Variants in IL1R1 observed in about 807,000 individuals in gnomAD.
IL1R1 encodes interleukin-1 receptor type 1.
Under a neutral mutation model 50.2 loss-of-function variants are expected in IL1R1, and 22 were observed. The ratio of observed to expected loss-of-function variants is 0.44; its 90% CI spans 0.31 to 0.63. IL1R1 has a LOEUF of 0.63. IL1R1 is among the 20% of genes least tolerant of loss of function. The pLI is 0.07. For missense variants in IL1R1, 509 were observed against 676.2 expected (o/e 0.75, Z 2.74); for synonymous variants, 251 against 236.7 (o/e 1.06, Z -0.55).
chr2:102,170,421 A>G (rs904388733), intron 7 of IL1R1, among the ~76,000 whole-genome samples: 6 of 152,328 alleles, frequency 3.9e-5, no homozygotes, highest in Non-Finnish European at 8.8e-5. Flanking sequence ...CAATTGAAGG[A>G]AAAAAACAAG....
At chr2:102,163,601 C>T (rs1684916653) in intron 3 of IL1R1, among the ~76,000 whole-genome samples, 1 of 151,976 alleles carries the variant, frequency 6.6e-6, no homozygotes, top group Non-Finnish European at 1.5e-5. Context: ...TTTGATCTTT[C>T]CTGTAGCATC....
chr2:102,106,599 T>G (rs1039117830), intron 1 of IL1R1, among the ~76,000 whole-genome samples: 1 of 152,094 alleles, frequency 6.6e-6, no homozygotes, highest in Non-Finnish European at 1.5e-5. Context: ...AAGAATAAAA[T>G]TTTAAAAAAT....
chr2:102,128,186 A>G (rs771623883), intron 1 of IL1R1, among the ~76,000 whole-genome samples: 15 of 152,188 alleles, frequency 9.9e-5, no homozygotes, highest in Non-Finnish European at 1.6e-4. Flanking sequence ...TGACTCGTAT[A>G]TACTCTGTTA....
At chr2:102,097,704 C>T (rs1376103560) in intron 1 of IL1R1, among the ~76,000 whole-genome samples, 1 of 151,806 alleles carries the variant, frequency 6.6e-6, no homozygotes, top group Non-Finnish European at 1.5e-5. Context: ...ATAAAAAAAT[C>T]TGAATAGTCT....
At chr2:102,136,644 G>A (rs187344240) in intron 1 of IL1R1, among the ~76,000 whole-genome samples, 2 of 152,106 alleles carry the variant, frequency 1.3e-5, no homozygotes, top group Admixed American at 1.3e-4. Context: ...CCAAAGTGCT[G>A]GGATTACAGG....
intron 1 of IL1R1, among the ~76,000 whole-genome samples, chr2:102,081,021 T>A (rs1482180884): frequency 1.3e-5 from 2 of 152,112 alleles, no homozygotes; most frequent in East Asian, 3.9e-4. Flanking sequence ...ATTTATAGAA[T>A]CAGAAAGTAG....
At chr2:102,118,845 G>C (rs939730786) in intron 1 of IL1R1, among the ~76,000 whole-genome samples, 17 of 151,858 alleles carry the variant, frequency 1.1e-4, no homozygotes, top group Non-Finnish European at 2.4e-4. Context: ...GTGAAACCCT[G>C]TCTCTACTAA....
At position 102,177,073 on chromosome 2, in the gene IL1R1, C is replaced by A. The variant is rs3917324; in HGVS notation, c.*314C>A. 22 of 267,176 alleles carry A rather than the reference C, an allele frequency of 8.2e-5. No individual in the cohort carries two copies. In the South Asian group the frequency reaches 1.2e-3, roughly 15 times the overall value. The allele number at this position is 267,176 out of a possible 1,614,324, so 16.6% of individuals were successfully genotyped here. A position where few individuals can be genotyped will look rare whatever the true frequency, so the allele number is the denominator to read the frequency against. On this transcript the variant is annotated 3_prime_UTR_variant, in exon 12 of 12. Transcript: ENST00000410023. ...CAGAGGTCAGGAGTTCGAGACCAGC[C>A]CAGCCAACATGGCAAAACCCCATCT...
At chr2:102,129,443 G>T (rs1348938432) in intron 1 of IL1R1, among the ~76,000 whole-genome samples, 1 of 152,212 alleles carries the variant, frequency 6.6e-6, no homozygotes, top group Non-Finnish European at 1.5e-5. Flanking sequence ...CTACATAAGG[G>T]CCAATTATTG....
intron 1 of IL1R1, among the ~76,000 whole-genome samples, chr2:102,075,206 T>C (rs1332414809): frequency 6.6e-6 from 1 of 152,232 alleles, no homozygotes; most frequent in Non-Finnish European, 1.5e-5. Flanking sequence ...TCCCAGACAC[T>C]GTACCTTCAA....
intron 1 of IL1R1, among the ~76,000 whole-genome samples, chr2:102,083,734 A>G (rs1679318311): frequency 6.6e-6 from 1 of 152,164 alleles, no homozygotes; most frequent in Non-Finnish European, 1.5e-5. Flanking sequence ...TCACGAGGTC[A>G]GGAGTTCAAG....
chr2:102,105,805 C>T (rs1001257078), intron 1 of IL1R1, among the ~76,000 whole-genome samples: 12 of 152,350 alleles, frequency 7.9e-5, no homozygotes, highest in African/African-American at 1.2e-4. Flanking sequence ...TTTCTCCCCC[C>T]TTCAGAAGCT....
At chr2:102,158,545 T>G (rs1452802133) in intron 3 of IL1R1, among the ~76,000 whole-genome samples, 1 of 152,176 alleles carries the variant, frequency 6.6e-6, no homozygotes, top group Non-Finnish European at 1.5e-5. Flanking sequence ...AATATTCCAG[T>G]CAGCATGTGC....
intron 1 of IL1R1, among the ~76,000 whole-genome samples, chr2:102,131,426 T>C (rs77218801): frequency 0.026 from 4,005 of 152,154 alleles, 160 homozygotes; most frequent in African/African-American, 0.091. Context: ...AATAGAGATG[T>C]TAGAATTAGC....
chr2:102,129,297 A>AACAAC (rs1559477566), intron 1 of IL1R1, among the ~76,000 whole-genome samples: 13 of 141,028 alleles, frequency 9.2e-5, no homozygotes, highest in African/African-American at 2.2e-4. Context: ...ACAACAACAA[A>AACAAC]ACCAAAACAA....
In IL1R1 at chr2:102,178,668, C is replaced by T. The variant is rs937606849; in HGVS notation, c.*1909C>T. ...AGTCTAGGAATGCTTTTATTCAAGA[C>T]ACCAAATTCCAAACTTCTAAATGTT... On this transcript the variant is annotated 3_prime_UTR_variant, in exon 12 of 12. Transcript: ENST00000410023. 6.6e-6 allele frequency: 1 copy of T among 152,270 alleles called. No homozygotes were observed. Among genetic ancestry groups the T allele is most frequent in the African/African-American group, 2.4e-5 (1 of 41,430 alleles). The allele number at this position is 152,270 out of a possible 1,614,324, so 9.4% of individuals were successfully genotyped here.
chr2:102,140,696 G>A (rs1682596126), upstream of IL1R1, among the ~76,000 whole-genome samples: 1 of 152,212 alleles, frequency 6.6e-6, no homozygotes, highest in Non-Finnish European at 1.5e-5. Context: ...CTACCCAGGG[G>A]ATGGAGTGAG....
chr2:102,163,547 T>G (rs1684910883), intron 3 of IL1R1, among the ~76,000 whole-genome samples: 1 of 152,206 alleles, frequency 6.6e-6, no homozygotes, highest in Admixed American at 6.5e-5. Flanking sequence ...TGTTTTCATC[T>G]CTAAAAGTTT....
chr2:102,073,616 C>G (rs1305260648), intron 1 of IL1R1, among the ~76,000 whole-genome samples: 1 of 152,160 alleles, frequency 6.6e-6, no homozygotes, highest in Non-Finnish European at 1.5e-5. Context: ...TTCACAGAAT[C>G]TCAGTGAAAT....
Sources: gnomAD v4.1 joint callset for allele counts (sites outside exome capture counted in the v4.1 genomes callset) on GRCh38, gnomAD v4.1.1 for gene constraint, MANE v1.5 for transcripts, NCBI Gene and HGNC (gene_info 2026-07-23, HGNC 2026-07-21) for gene names.